The following PPP2R1B variants were observed in gnomAD, a reference collection of about 807,000 sequenced individuals.
PPP2R1B encodes the protein protein phosphatase 2 scaffold subunit Abeta, also known as serine/threonine-protein phosphatase 2A 65 kDa regulatory subunit A beta isoform.
A neutral mutation model predicts 72.7 loss-of-function variants in PPP2R1B; 58 were observed. The ratio of observed to expected loss-of-function variants is 0.80; its 90% CI spans 0.65 to 0.99. The LOEUF (loss-of-function observed/expected upper bound fraction) is 0.99, where lower values mean the gene tolerates loss of function less well. Ranked by LOEUF, PPP2R1B falls within the 50% of genes least tolerant of loss-of-function variation. The probability of loss-of-function intolerance (pLI) is 0.00; values close to 1 mark genes in which losing one functional copy is unlikely to be tolerated. For missense variants in PPP2R1B, 695 were observed against 733.6 expected (o/e 0.95, Z 0.61); for synonymous variants, 256 against 264.6 (o/e 0.97, Z 0.32).
chr11:111,723,710 A>G (rs768730339), downstream of PPP2R1B: 1 of 1,614,130 alleles, frequency 6.2e-7, no homozygotes, highest in Non-Finnish European at 8.5e-7. Flanking sequence ...GATGCAATAC[A>G]GCCCTTTCCT....
intron 13 of PPP2R1B, 174 bp from the exon 14 acceptor site, chr11:111,742,318 A>ACGGC: frequency 1.6e-6 from 1 of 616,872 alleles, no homozygotes; most frequent in Non-Finnish European, 2.4e-6. Flanking sequence ...AATCAGCTTC[A>ACGGC]GACAAGGATC....
intron 5 of PPP2R1B, 120 bp from the exon 6 acceptor site, chr11:111,755,570 T>C: frequency 1.2e-6 from 1 of 869,462 alleles, no homozygotes; most frequent in Non-Finnish European, 1.6e-6. Context: ...TTATATAGTT[T>C]CACGTCTTGA....
intron 3 of PPP2R1B, among the ~76,000 whole-genome samples, chr11:111,762,422 T>C (rs557946344): frequency 2.4e-4 from 37 of 152,278 alleles, no homozygotes; most frequent in Non-Finnish European, 1.8e-4. Context: ...CACTGGATAA[T>C]AGCTATCATT....
At chr11:111,705,741 C>T in the PPP2R1B span, among the ~76,000 whole-genome samples, 2 of 152,144 alleles carry the variant, frequency 1.3e-5, no homozygotes, top group Non-Finnish European at 2.9e-5. The surrounding 1 kb of genome is among the most constrained non-coding windows in gnomAD (Gnocchi z 4.3). Flanking sequence ...CAAGAAGCAA[C>T]AAGGACCTAC....
At chr11:111,710,551 G>A in the PPP2R1B span, among the ~76,000 whole-genome samples, 1 of 152,292 alleles carries the variant, frequency 6.6e-6, no homozygotes, top group South Asian at 2.1e-4. Flanking sequence ...ACTAGGAACC[G>A]TTAGTATTTG....
At chr11:111,761,407 G>A in intron 3 of PPP2R1B, 1 of 375,904 alleles carries the variant, frequency 2.7e-6, no homozygotes, top group South Asian at 2.1e-5. Context: ...ATTTCCTCAA[G>A]AGTAAGTACA....
chr11:111,693,766 C>T, the PPP2R1B span, among the ~76,000 whole-genome samples: 2 of 152,100 alleles, frequency 1.3e-5, no homozygotes, highest in Non-Finnish European at 2.9e-5. Flanking sequence ...ACTTTCTAGG[C>T]CTGAGTTTCC....
downstream of PPP2R1B, chr11:111,726,566 G>A (rs1943974233): frequency 5.2e-6 from 1 of 191,248 alleles, no homozygotes; most frequent in African/African-American, 2.3e-5. Flanking sequence ...ATAACCCTCT[G>A]TATTGACTGC....
At position 111,739,971 on chromosome 11, in the gene PPP2R1B, A is replaced by C. The variant is rs1214315431; in HGVS notation, c.*1625T>G. 1.0e-6 allele frequency: 1 copy of C among 980,228 alleles called. No individual in the cohort carries two copies. The highest frequency in any genetic ancestry group is 1.8e-5 in the African/African-American group (1 of 57,132). The allele number at this position is 980,228 out of a possible 1,614,324, so 60.7% of individuals were successfully genotyped here. ...TTTCTATTTTTCGAATGTAGGACAA[A>C]TTTTAAAGTATTTAGTAAAACTTGG... On this transcript the variant is annotated 3_prime_UTR_variant, in exon 15 of 15. Coordinates refer to ENST00000527614, the MANE Select transcript of PPP2R1B (RefSeq NM_002716.5).
At chr11:111,726,952 T>C in exon 16 of PPP2R1B, 1 of 1,611,984 alleles carries the variant, frequency 6.2e-7, no homozygotes, top group Non-Finnish European at 8.5e-7. Context: ...GTTCTTTTTT[T>C]AAATCTGGGG....
rs1424121233 is a variant in PPP2R1B at position 111,766,303 on chromosome 11, T to A, written c.59A>T (p.Asp20Val). The change falls in exon 1 of 15, where the codon GAT becomes GTT. Residue 20 changes from aspartate (D) to valine (V), a missense_variant. Asp to Val is a radical substitution (Grantham distance 152). Transcript: ENST00000527614. Reference protein sequence around the residue: ...GPGAAGGDGDDSLYPIAVLID... With the variant: ...GPGAAGGDGDVSLYPIAVLID... The stretch of plus-strand genomic sequence containing the variant: ...TAAAACCGCGATCGGGTATAGCGAA[T>A]CATCTCCATCTCCACCCGCTGCTCC... 1 of 1,577,682 alleles carries A rather than the reference T, an allele frequency of 6.3e-7. No individual in the cohort carries two copies. The highest frequency in any genetic ancestry group is 8.6e-7 in the Non-Finnish European group (1 of 1,164,862).
Position 111,743,402 on chromosome 11 carries a change from T to C in PPP2R1B, c.1528A>G (p.Arg510Gly), listed in dbSNP as rs752466518. ...TTAATGCAGAATAAAGTGGTCATTC[T>C]ATGCAAGTAATTAGGATCATTTGCC... ...VMANDPNYLH[R>G]MTTLFCINAL... is the part of the protein sequence containing the mutation. The change falls in exon 12 of 15, where the codon AGA (arginine) becomes GGA (glycine). Residue 510 changes from arginine to glycine, a missense_variant. Arg to Gly is a moderately radical substitution (Grantham distance 125, BLOSUM62 -2). Transcript: ENST00000527614. 2.5e-6 allele frequency: 4 copies of C among 1,612,588 alleles called. No individual in the cohort carries two copies. The South Asian group carries it at 4.4e-5, about 18-fold the overall frequency.
Position 111,738,259 on chromosome 11 carries a change from T to A in PPP2R1B, c.*3337A>T, listed in dbSNP as rs948671843. On this transcript the variant is annotated 3_prime_UTR_variant, in exon 15 of 15. Coordinates refer to ENST00000527614, the MANE Select transcript of PPP2R1B (RefSeq NM_002716.5). The stretch of plus-strand genomic sequence containing the variant: ...TTCATATCCAAGCAGTGGAGAAAAA[T>A]AAGAAGCTTTACGATAAGAGTGTCA... 9.1e-6 allele frequency: 9 copies of A among 985,266 alleles called. No individual in the cohort carries two copies. In the African/African-American group the frequency reaches 1.4e-4, roughly 15 times the overall value. 61.0% of individuals were successfully genotyped at this position (985,266 alleles called of 1,614,324 possible).
chr11:111,700,424 G>T, the PPP2R1B span, among the ~76,000 whole-genome samples: 54 of 152,260 alleles, frequency 3.5e-4, no homozygotes, highest in African/African-American at 1.3e-3. Context: ...GCCTTCAAGG[G>T]TTATATATCT....
chr11:111,766,187 C>A, intron 1 of PPP2R1B, 61 bp downstream of exon 1: 1 of 1,551,288 alleles, frequency 6.4e-7, no homozygotes, highest in Non-Finnish European at 8.9e-7. Context: ...CGCAGGCCTT[C>A]CCCCTTCTCT....
intron 10 of PPP2R1B, 106 bp from the exon 11 acceptor site, chr11:111,748,120 C>A: frequency 1.1e-6 from 1 of 915,486 alleles, no homozygotes; most frequent in South Asian, 1.6e-5. Flanking sequence ...AAACTTGTTT[C>A]CAAATAAACA....
chr11:111,757,193 A>G (rs1555049987), intron 5 of PPP2R1B, among the ~76,000 whole-genome samples: 1 of 152,238 alleles, frequency 6.6e-6, no homozygotes, highest in South Asian at 2.1e-4. Flanking sequence ...TATTATACAT[A>G]TATAAGGTAG....
At chr11:111,762,152 T>C (rs1555051598) in intron 3 of PPP2R1B, among the ~76,000 whole-genome samples, 1 of 152,170 alleles carries the variant, frequency 6.6e-6, no homozygotes, top group African/African-American at 2.4e-5. Context: ...AGGTAGATTC[T>C]ACACATGCCA....
the PPP2R1B span, among the ~76,000 whole-genome samples, chr11:111,694,677 CGTAAAAA>C: frequency 1.3e-5 from 2 of 152,074 alleles, no homozygotes; most frequent in Admixed American, 6.5e-5. Context: ...ACTAGCATTA[CGTAAAAA>C]GTAAAAAGAG....
Sources: allele counts gnomAD v4.1 joint callset (sites outside exome capture counted in the v4.1 genomes callset), GRCh38; gene constraint gnomAD v4.1.1; non-coding constraint Gnocchi (gnomAD v3.1); transcripts MANE v1.5; gene names NCBI Gene and HGNC (gene_info 2026-07-23, HGNC 2026-07-21).